SYK: variants seen among roughly 807,000 people sequenced by gnomAD.
The protein encoded by SYK is spleen associated tyrosine kinase.
A neutral mutation model predicts 77.8 loss-of-function variants in SYK; 16 were observed. The ratio of observed to expected loss-of-function variants is 0.21; its 90% confidence interval spans 0.14 to 0.31. The LOEUF is 0.31. Among genes scored for constraint, SYK ranks in the 10% least tolerant of loss-of-function variants. The probability of loss-of-function intolerance (pLI) is 1.00; values close to 1 mark genes in which losing one functional copy is unlikely to be tolerated. For synonymous variants in SYK, 312 were observed against 308.7 expected (o/e 1.01, Z -0.11); for missense variants, 529 against 814.4 (o/e 0.65, Z 4.26).
intron 7 of SYK, among the ~76,000 whole-genome samples, chr9:90,872,901 A>T (rs764054910): frequency 4.6e-5 from 7 of 152,180 alleles, no homozygotes; most frequent in Non-Finnish European, 7.3e-5. Flanking sequence ...TTGATGTGTC[A>T]TAGTTACTTC....
intron 1 of SYK, among the ~76,000 whole-genome samples, chr9:90,828,235 G>GCCCCCCCCCCCCCC (rs60327886): frequency 9.0e-5 from 5 of 55,442 alleles, no homozygotes; most frequent in South Asian, 7.9e-4. Flanking sequence ...CCTCACCCCC[G>GCCCCCCCCCCCCCC]CCCCCCCCCC....
Position 90,895,837 on chromosome 9 carries a change from G to C in SYK, c.*237G>C, listed in dbSNP as rs1828962443. 1.9e-6 allele frequency: 1 copy of C among 515,322 alleles called. No individual in the cohort carries two copies. The highest frequency in any genetic ancestry group is 3.3e-5 in the Admixed American group (1 of 30,760). 31.9% of individuals were successfully genotyped at this position (515,322 alleles called of 1,614,324 possible). A position where few individuals can be genotyped will look rare whatever the true frequency, so the allele number is the denominator to read the frequency against. ...TCCAAGGGGCTAGCTGGATTTGTTT[G>C]TTTTCTTGTCTGTGTGATTTTCATA... On this transcript the variant is annotated 3_prime_UTR_variant, in exon 14 of 14. Transcript: ENST00000375754. The surrounding 1 kb of genome is among the most constrained non-coding windows in gnomAD (Gnocchi z 4.4).
At chr9:90,811,939 GAAA>G (rs5899108) in intron 1 of SYK, among the ~76,000 whole-genome samples, 4 of 136,610 alleles carry the variant, frequency 2.9e-5, no homozygotes, top group Admixed American at 7.2e-5. Flanking sequence ...AATAATAAGT[GAAA>G]AAAAAAAAAA....
intron 13 of SYK, among the ~76,000 whole-genome samples, chr9:90,889,565 T>C (rs1385187714): frequency 6.6e-6 from 1 of 152,258 alleles, no homozygotes; most frequent in Non-Finnish European, 1.5e-5. Context: ...AGTATCACTC[T>C]ACCACAATTG....
At chr9:90,827,032 C>T (rs34124057) in intron 1 of SYK, among the ~76,000 whole-genome samples, 1 of 152,030 alleles carries the variant, frequency 6.6e-6, no homozygotes, top group Non-Finnish European at 1.5e-5. Context: ...CAAGGATGCT[C>T]TTCCTATTTG....
intron 3 of SYK, among the ~76,000 whole-genome samples, chr9:90,857,028 GCCAAAC>G (rs1289574952): frequency 6.6e-6 from 1 of 152,234 alleles, no homozygotes; most frequent in African/African-American, 2.4e-5. Flanking sequence ...TGGCCCTTTG[GCCAAAC>G]CCACTTTAAT....
At chr9:90,856,696 A>T (rs971619737) in intron 3 of SYK, among the ~76,000 whole-genome samples, 4 of 152,132 alleles carry the variant, frequency 2.6e-5, no homozygotes, top group Non-Finnish European at 5.9e-5. Flanking sequence ...TTTGTTAAAC[A>T]TTTCATAGTT....
At chr9:90,894,434 A>G (rs1050401634) in intron 13 of SYK, among the ~76,000 whole-genome samples, 1 of 152,216 alleles carries the variant, frequency 6.6e-6, no homozygotes, top group African/African-American at 2.4e-5. Context: ...ATTGAAAGCT[A>G]TAAGAGAAAC....
At chr9:90,876,093 C>T (rs925650899) in intron 9 of SYK, among the ~76,000 whole-genome samples, 1 of 152,090 alleles carries the variant, frequency 6.6e-6, no homozygotes, top group Non-Finnish European at 1.5e-5. Context: ...CAAGACCATC[C>T]TGGCCAACAT....
At chr9:90,886,353 CTGTT>C (rs1828576256) in intron 11 of SYK, among the ~76,000 whole-genome samples, 1 of 152,320 alleles carries the variant, frequency 6.6e-6, no homozygotes, top group Non-Finnish European at 1.5e-5. Context: ...CTCTTATACA[CTGTT>C]TGTGGGAATG....
Position 90,878,768 on chromosome 9 carries a change from G to A in SYK, c.1396G>A (p.Val466Ile), listed in dbSNP as rs532798885. ...TGAGATCATTATGACTTTCAGACAT[G>A]TCAAGGATAAGAACATCATAGAACT... ...LNKYLQQNRH[V>I]KDKNIIELVH... The change falls in exon 11 of 14, where the codon GTC becomes ATC. Residue 466 changes from valine to isoleucine, a missense_variant. Physicochemically the swap from Val to Ile is conservative, Grantham distance 29. This residue lies in a region of SYK where 208 missense variants were observed against 381.3 expected (regional missense o/e 0.55). Transcript: ENST00000375754. 13 of 1,604,882 alleles carry A rather than the reference G, an allele frequency of 8.1e-6. No homozygotes were observed. The Middle Eastern group carries it at 6.6e-4, about 82-fold the overall frequency.
chr9:90,838,380 G>A (rs914222761), intron 1 of SYK, among the ~76,000 whole-genome samples: 2 of 152,208 alleles, frequency 1.3e-5, no homozygotes, highest in East Asian at 3.8e-4. Flanking sequence ...GCCTTATGGA[G>A]ATGTGCTGCA....
chr9:90,851,288 G>A (rs191396626), intron 3 of SYK, among the ~76,000 whole-genome samples: 17 of 152,274 alleles, frequency 1.1e-4, no homozygotes, highest in African/African-American at 2.2e-4. Context: ...ACACAGAGGC[G>A]TCCATCAGCT....
chr9:90,830,918 A>T (rs1825864911), intron 1 of SYK, among the ~76,000 whole-genome samples: 1 of 152,054 alleles, frequency 6.6e-6, no homozygotes, highest in Non-Finnish European at 1.5e-5. Context: ...CCACAGATGA[A>T]GTTTCCTTTC....
At chr9:90,829,057 G>T (rs543207571) in intron 1 of SYK, among the ~76,000 whole-genome samples, 5 of 152,200 alleles carry the variant, frequency 3.3e-5, no homozygotes, top group African/African-American at 1.2e-4. Flanking sequence ...TTGGGATGCC[G>T]AGGTGGGCGG....
At chr9:90,882,632 A>C (rs1828199434) in intron 11 of SYK, among the ~76,000 whole-genome samples, 1 of 152,224 alleles carries the variant, frequency 6.6e-6, no homozygotes, top group South Asian at 2.1e-4. Context: ...ATGCTAAAAT[A>C]ATTGACCTGG....
intron 1 of SYK, chr9:90,827,708 A>G (rs550829314): frequency 1.3e-5 from 2 of 152,304 alleles, no homozygotes; most frequent in South Asian, 4.1e-4. Flanking sequence ...CTCTGCCGCT[A>G]ACATTCTTCC....
At chr9:90,889,652 T>C (rs1828716640) in intron 13 of SYK, among the ~76,000 whole-genome samples, 1 of 139,872 alleles carries the variant, frequency 7.1e-6, no homozygotes, top group African/African-American at 2.7e-5. Context: ...AGGCAAACTG[T>C]GGGTATATGC....
intron 1 of SYK, among the ~76,000 whole-genome samples, chr9:90,810,912 C>T (rs1825047672): frequency 6.6e-6 from 1 of 151,646 alleles, no homozygotes; most frequent in Non-Finnish European, 1.5e-5. Context: ...GCACACCAGG[C>T]GGGGGAGGTG....
Sources: allele counts gnomAD v4.1 joint callset (sites outside exome capture counted in the v4.1 genomes callset), GRCh38; gene constraint gnomAD v4.1.1; regional missense constraint gnomAD v4.1.1; non-coding constraint Gnocchi (gnomAD v3.1); transcripts MANE v1.5; gene names NCBI Gene and HGNC (gene_info 2026-07-23, HGNC 2026-07-21).